GRM8: variants seen among roughly 807,000 people sequenced by gnomAD.
The protein encoded by GRM8 is metabotropic glutamate receptor 8.
Under a neutral mutation model 87.2 loss-of-function variants are expected in GRM8, and 47 were observed. The ratio of observed to expected loss-of-function variants is 0.54; its 90% CI spans 0.43 to 0.69. GRM8 has a LOEUF of 0.69. Among genes scored for constraint, GRM8 ranks in the 30% least tolerant of loss-of-function variants. The pLI is 0.00. For missense variants in GRM8, 1,019 were observed against 1,139.2 expected (o/e 0.89, Z 1.52); for synonymous variants, 396 against 404.5 (o/e 0.98, Z 0.25).
chr7:126,903,779 A>G (rs200620437), intron 5 of GRM8, among the ~76,000 whole-genome samples, 193 bp downstream of exon 5: 1,231 of 102,786 alleles, frequency 0.012, 19 homozygotes, highest in African/African-American at 0.02. Flanking sequence ...GTGTGTGTAT[A>G]TATATATATA....
chr7:126,643,505 T>C (rs1273461572), intron 7 of GRM8, among the ~76,000 whole-genome samples: 1 of 147,006 alleles, frequency 6.8e-6, no homozygotes, highest in Non-Finnish European at 1.5e-5. Flanking sequence ...TATATGTCCA[T>C]GTATATGTAT....
At chr7:127,005,354 G>T (rs1814180710) in intron 3 of GRM8, among the ~76,000 whole-genome samples, 1 of 151,320 alleles carries the variant, frequency 6.6e-6, no homozygotes, top group African/African-American at 2.4e-5. Flanking sequence ...CCAGGTCTCT[G>T]GTAGAATGTC....
chr7:127,015,001 AAAGAAGAAGAAGAAGAAGAAG>A lies in GRM8; in HGVS notation c.727+91474_727+91494del, dbSNP rs538403014. 9.6e-3 allele frequency among the ~76,000 whole-genome samples: 571 copies of A among 59,686 alleles called. 10 individuals carry two copies. Among genetic ancestry groups the A allele is most frequent in the African/African-American group, 0.019 (311 of 16,742 alleles). 39.2% of individuals were successfully genotyped at this position (59,686 alleles called of 152,430 possible). A position where few individuals can be genotyped will look rare whatever the true frequency, so the allele number is the denominator to read the frequency against. ...GAAGGAGAAGAGGAAGAAGAAGAAGAAAGAAGAAGAAGAAGAAGAAGAAGAAGAAGAAGAAGAAGAAGAAGA... is the reference window on the plus strand; with the variant it reads ...GAAGGAGAAGAGGAAGAAGAAGAAGAAAGAAGAAGAAGAAGAAGAAGAAGA... On this transcript the variant is annotated intron_variant, in intron 3 of 10. Transcript: ENST00000339582.
At chr7:126,958,627 G>A (rs550860167) in intron 3 of GRM8, among the ~76,000 whole-genome samples, 22 of 152,140 alleles carry the variant, frequency 1.4e-4, no homozygotes, top group Non-Finnish European at 2.2e-4. Context: ...GACTGGTAGC[G>A]TGGGCCGAGC....
intron 8 of GRM8, among the ~76,000 whole-genome samples, chr7:126,571,473 T>C (rs1337871749): frequency 6.6e-6 from 1 of 152,164 alleles, no homozygotes; most frequent in African/African-American, 2.4e-5. Context: ...CCCACTCAAC[T>C]GGCATTTACC....
At chr7:126,610,098 C>T (rs1254114958) in intron 7 of GRM8, among the ~76,000 whole-genome samples, 1 of 152,202 alleles carries the variant, frequency 6.6e-6, no homozygotes, top group Admixed American at 6.5e-5. Context: ...TTGTTCTCCC[C>T]CTTCACAGTG....
At chr7:126,792,572 T>A (rs895560971) in intron 6 of GRM8, among the ~76,000 whole-genome samples, 10 of 152,232 alleles carry the variant, frequency 6.6e-5, no homozygotes, top group Non-Finnish European at 1.2e-4. Flanking sequence ...TGAATTAATC[T>A]GAACTTGGTT....
At chr7:126,553,620 T>A (rs1792826281) in intron 8 of GRM8, among the ~76,000 whole-genome samples, 1 of 152,146 alleles carries the variant, frequency 6.6e-6, no homozygotes, top group Admixed American at 6.6e-5. Context: ...CTCTAGTACA[T>A]CTAATACATC....
intron 2 of GRM8, among the ~76,000 whole-genome samples, chr7:127,123,561 A>G (rs1433780534): frequency 6.6e-6 from 1 of 152,154 alleles, no homozygotes; most frequent in East Asian, 1.9e-4. Flanking sequence ...TCAGATGCAG[A>G]TGCCCAATCT....
At chr7:126,760,186 CCTG>C (rs911354813) in intron 7 of GRM8, among the ~76,000 whole-genome samples, 2 of 152,064 alleles carry the variant, frequency 1.3e-5, no homozygotes, top group African/African-American at 4.8e-5. Context: ...TATCATTCAT[CCTG>C]CTTTTTTTCA....
chr7:127,041,154 A>T (rs959414260), intron 3 of GRM8, among the ~76,000 whole-genome samples: 1 of 152,210 alleles, frequency 6.6e-6, no homozygotes, highest in African/African-American at 2.4e-5. Flanking sequence ...ATAAAGTTGC[A>T]GTGAGGCTCT....
chr7:127,069,042 T>C (rs1028358275), intron 3 of GRM8, among the ~76,000 whole-genome samples: 2 of 152,252 alleles, frequency 1.3e-5, no homozygotes, highest in African/African-American at 4.8e-5. Context: ...AAACATAATA[T>C]ATGGTACTCA....
At chr7:127,060,567 A>G (rs1586885540) in intron 3 of GRM8, among the ~76,000 whole-genome samples, 1 of 152,190 alleles carries the variant, frequency 6.6e-6, no homozygotes, top group East Asian at 1.9e-4. Flanking sequence ...AATACAGAAA[A>G]TATAGGCAGA....
At chr7:127,152,779 C>A (rs1442755247) in intron 2 of GRM8, among the ~76,000 whole-genome samples, 1 of 152,002 alleles carries the variant, frequency 6.6e-6, no homozygotes, top group Non-Finnish European at 1.5e-5. Flanking sequence ...CTAAAGATCA[C>A]CAAAGGAATT....
At chr7:126,567,873 A>G (rs1209428623) in intron 8 of GRM8, among the ~76,000 whole-genome samples, 1 of 152,086 alleles carries the variant, frequency 6.6e-6, no homozygotes, top group Non-Finnish European at 1.5e-5. Flanking sequence ...GGACAAAATA[A>G]CATCTCTAGT....
rs150198014 is a variant in GRM8, at chr7:126,544,013, C to T, written c.1495-10126G>A. On this transcript the variant is annotated intron_variant, in intron 8 of 10. Transcript: ENST00000339582. ...TGGTTACCTTCATGAGATAAGTTTT[C>T]TGTGAAGTCTCTCTTATCTACTTTG... is the stretch of plus-strand genomic sequence containing the variant. 5.9e-3 allele frequency among the ~76,000 whole-genome samples: 896 copies of T among 152,248 alleles called. 13 individuals carry two copies. The highest frequency in any genetic ancestry group is 0.021 in the African/African-American group (867 of 41,540).
At chr7:126,708,691 G>A (rs2151420863) in intron 7 of GRM8, among the ~76,000 whole-genome samples, 1 of 152,040 alleles carries the variant, frequency 6.6e-6, no homozygotes, top group Non-Finnish European at 1.5e-5. Context: ...AGGACATTAA[G>A]TGAAATAAGG....
At chr7:126,471,669 T>C (rs1394395842) in intron 9 of GRM8, among the ~76,000 whole-genome samples, 1 of 151,938 alleles carries the variant, frequency 6.6e-6, no homozygotes, top group East Asian at 1.9e-4. Flanking sequence ...GACTTGGCGA[T>C]GCGGGCTCTT....
chr7:126,894,226 T>C (rs1358330989), intron 6 of GRM8, among the ~76,000 whole-genome samples: 1 of 152,094 alleles, frequency 6.6e-6, no homozygotes. Flanking sequence ...TTTATCCTAA[T>C]GTTTCTGTAT....
Sources: allele counts gnomAD v4.1 joint callset (sites outside exome capture counted in the v4.1 genomes callset), GRCh38; gene constraint gnomAD v4.1.1; transcripts MANE v1.5; gene names NCBI Gene and HGNC (gene_info 2026-07-23, HGNC 2026-07-21).